RBM12B: variants seen among roughly 807,000 people sequenced by gnomAD.
The protein encoded by RBM12B is RNA binding motif protein 12B, also known as RNA-binding protein 12B.
Under a neutral mutation model 34.3 loss-of-function variants are expected in RBM12B, and 10 were observed. The ratio of observed to expected loss-of-function variants is 0.29; its 90% CI spans 0.18 to 0.49. RBM12B has a LOEUF of 0.49. Ranked by LOEUF, RBM12B falls within the 20% of genes least tolerant of loss-of-function variation. The pLI, the probability that RBM12B is intolerant of heterozygous loss-of-function variation, is 0.99. For missense variants in RBM12B, 1,139 were observed against 1,262.7 expected (o/e 0.90, Z 1.48); for synonymous variants, 477 against 437.1 (o/e 1.09, Z -1.14).
At chr8:93,740,839 G>A (rs1372070140) in intron 1 of RBM12B, 42 bp downstream of exon 1, 1 of 333,128 alleles carries the variant, frequency 3.0e-6, no homozygotes, top group African/African-American at 2.2e-5. Context: ...CACCCCCGGC[G>A]CCCCGAGGGG....
chr8:93,730,557 A>G lies in RBM12B; in HGVS notation c.*2848T>C, dbSNP rs751027276. On this transcript the variant is annotated 3_prime_UTR_variant, in exon 4 of 4. Transcript: ENST00000520560. ...CTGAAGCTGAGTGATGTGTACATGA[A>G]AATTTACTATTCTTTTTTTATATTT... is the stretch of plus-strand genomic sequence containing the variant. The G allele has an allele frequency of 1.3e-5, 2 of 152,166 alleles. No homozygotes were observed. Among genetic ancestry groups the G allele is most frequent in the Non-Finnish European group, 1.5e-5 (1 of 68,036 alleles). The allele number at this position is 152,166 out of a possible 1,614,324, so 9.4% of individuals were successfully genotyped here.
intron 2 of RBM12B, among the ~76,000 whole-genome samples, chr8:93,738,066 C>T (rs1812075455): frequency 6.6e-6 from 1 of 152,132 alleles, no homozygotes; most frequent in Non-Finnish European, 1.5e-5. Flanking sequence ...TCTATATAAA[C>T]AGCTCATACA....
Position 93,740,616 on chromosome 8 carries a change from GAAAA to G in RBM12B, c.-78+9_-78+12del. Reference sequence around the variant, plus strand: ...CCACTGACTACGATGACATAGCAAAGAAAAAAATATACCTATGAAATCCTTCGAG... The same window carrying G: ...CCACTGACTACGATGACATAGCAAAGAAATATACCTATGAAATCCTTCGAG... On this transcript the variant is annotated intron_variant, in intron 2 of 3. Transcript: ENST00000520560. The G allele has an allele frequency of 4.8e-6, 2 of 415,706 alleles. No individual in the cohort carries two copies. The highest frequency in any genetic ancestry group is 9.6e-6 in the Non-Finnish European group (2 of 209,344). 25.8% of individuals were successfully genotyped at this position (415,706 alleles called of 1,614,324 possible).
At position 93,736,031 on chromosome 8, in the gene RBM12B, T is replaced by C. The variant is rs1269490039; in HGVS notation, c.380A>G (p.Asn127Ser). The C allele has an allele frequency of 6.2e-7, 1 of 1,614,102 alleles. No individual in the cohort carries two copies. The highest frequency in any genetic ancestry group is 2.2e-5 in the East Asian group (1 of 44,896). The change falls in exon 4 of 4, where the codon AAT (asparagine) becomes AGT (serine). Residue 127 changes from asparagine to serine, a missense_variant. This residue lies in a region of RBM12B where 216 missense variants were observed against 292.2 expected (regional missense o/e 0.74). Transcript: ENST00000520560. Reference sequence around the variant, plus strand: ...ATTAGTATGAAACCCAGCATCTTGATTAATTGAAGAGCCATATCCAGAATT... The same window carrying C: ...ATTAGTATGAAACCCAGCATCTTGACTAATTGAAGAGCCATATCCAGAATT... ...ASNSGYGSSI[N>S]QDAGFHTNGT...
Position 93,733,872 on chromosome 8 carries a change from G to C in RBM12B, c.2539C>G (p.Pro847Ala). ...CPSDEDFRQL[P>A]EEDLREAPEE... ...GGAGCTTCCCTAAGGTCTTCCTCTGGGAGCTGCCTGAAGTCCTCATCAGAA... is the reference window on the plus strand; with the variant it reads ...GGAGCTTCCCTAAGGTCTTCCTCTGCGAGCTGCCTGAAGTCCTCATCAGAA... Residue 847 changes from proline to alanine, a missense_variant, in exon 4 of 4, where the codon CCA becomes GCA. Coordinates refer to ENST00000520560, the MANE Select transcript of RBM12B (RefSeq NM_001377960.1). The C allele has an allele frequency of 1.2e-6, 2 of 1,613,930 alleles. No individual in the cohort carries two copies. Among genetic ancestry groups the C allele is most frequent in the Non-Finnish European group, 1.7e-6 (2 of 1,179,964 alleles).
chr8:93,731,659 C>T lies in RBM12B; in HGVS notation c.*1746G>A, dbSNP rs1464449587. On this transcript the variant is annotated 3_prime_UTR_variant, in exon 4 of 4. Coordinates refer to ENST00000520560, the MANE Select transcript of RBM12B (RefSeq NM_001377960.1). ...AACTAAGTACTGACAAAGTATTCTA[C>T]CTATGCAATATCCTATTAAATGTCT... The T allele has an allele frequency of 3.9e-5, 6 of 152,082 alleles. No individual in the cohort carries two copies. The highest frequency in any genetic ancestry group is 1.3e-4 in the Admixed American group (2 of 15,260). 9.4% of individuals were successfully genotyped at this position (152,082 alleles called of 1,614,324 possible).
rs1295518199 is a variant in RBM12B, at chr8:93,738,084, A to C, written c.-77-729T>G. ...ATATAAACAGCTCATACATCCAAGC[A>C]CAGAACCAAATTTCATGAAGCCAGT... On this transcript the variant is annotated intron_variant, in intron 2 of 3. Transcript: ENST00000520560. Among the ~76,000 whole-genome samples the C allele has an allele frequency of 4.6e-5, 7 of 152,220 alleles. No homozygotes were observed. In the East Asian group the frequency reaches 1.3e-3, roughly 29 times the overall value.
rs1371271399 is a variant in RBM12B, at chr8:93,735,208, GCA to G, written c.1201_1202del (p.Cys401HisfsTer9). On this transcript the variant is annotated frameshift_variant, in exon 4 of 4. Coordinates refer to ENST00000520560, the MANE Select transcript of RBM12B (RefSeq NM_001377960.1). LOFTEE classifies it low-confidence loss of function (END_TRUNC). ...SQEGNSGQKLCIYIRNFPFDV... is the reference protein window; with the variant it reads ...SQEGNSGQKLXIYIRNFPFDV... ...CAAATGGAAAATTTCTTATATAGAT[GCA>G]CAGTTTCTGGCCAGAGTTACCTTCT... 1.2e-6 allele frequency: 2 copies of G among 1,614,052 alleles called. No homozygotes were observed. Among genetic ancestry groups the G allele is most frequent in the Non-Finnish European group, 8.5e-7 (1 of 1,180,032 alleles).
intron 2 of RBM12B, among the ~76,000 whole-genome samples, chr8:93,738,756 G>A (rs543688894): frequency 1.3e-5 from 2 of 152,140 alleles, no homozygotes; most frequent in Non-Finnish European, 2.9e-5. Flanking sequence ...GAGCCACTGC[G>A]CCTGGAGTAA....
intron 2 of RBM12B, among the ~76,000 whole-genome samples, chr8:93,738,643 TG>T (rs2130474164): frequency 6.6e-6 from 1 of 152,256 alleles, no homozygotes; most frequent in South Asian, 2.1e-4. Context: ...TTGTATTTTT[TG>T]TAGAGCCAGG....
Position 93,735,940 on chromosome 8 carries a change from C to T in RBM12B, c.471G>A (p.Leu157=). 6.2e-7 allele frequency: 1 copy of T among 1,614,210 alleles called. No homozygotes were observed. The highest frequency in any genetic ancestry group is 8.5e-7 in the Non-Finnish European group (1 of 1,180,044). ...CTAGGTAAGGCAAACCTCGTAGAAA[C>T]AAGTAAGGATTCTCGGCCTTCAATG... ...TRPLKAENPY[L]FLRGLPYLVN... Residue 157 remains leucine, a synonymous_variant, in exon 4 of 4, where the codon TTG becomes TTA. Coordinates refer to ENST00000520560, the MANE Select transcript of RBM12B (RefSeq NM_001377960.1).
chr8:93,737,368 A>G lies in RBM12B; in HGVS notation c.-77-13T>C, dbSNP rs1250738203. 1 of 152,216 alleles carries G rather than the reference A, an allele frequency of 6.6e-6. No homozygotes were observed. Among genetic ancestry groups the G allele is most frequent in the Non-Finnish European group, 1.5e-5 (1 of 68,046 alleles). The allele number at this position is 152,216 out of a possible 1,614,324, so 9.4% of individuals were successfully genotyped here. On this transcript the variant is annotated splice_polypyrimidine_tract_variant and intron_variant, in intron 2 of 3. Coordinates refer to ENST00000520560, the MANE Select transcript of RBM12B (RefSeq NM_001377960.1). ...AAAAGCAACTTAACTGTGGAAAGAA[A>G]ATGAAATATAATTAATCCTTGAACC... is the stretch of plus-strand genomic sequence containing the variant.
At position 93,740,668 on chromosome 8, in the gene RBM12B, G is replaced by A; in HGVS notation, c.-117C>T. The A allele has an allele frequency of 2.7e-6, 1 of 376,026 alleles. No individual in the cohort carries two copies. The highest frequency in any genetic ancestry group is 2.0e-5 in the South Asian group (1 of 49,882). The allele number at this position is 376,026 out of a possible 1,614,324, so 23.3% of individuals were successfully genotyped here. On this transcript the variant is annotated 5_prime_UTR_variant, in exon 2 of 4. Transcript: ENST00000520560. ...GAGATCTTCACTCTCAAGATCCCTG[G>A]GAAGCGCACATACACCACCACATGG... is the stretch of plus-strand genomic sequence containing the variant.
In RBM12B at chr8:93,731,337, A is replaced by G. The variant is rs1811784294; in HGVS notation, c.*2068T>C. On this transcript the variant is annotated 3_prime_UTR_variant, in exon 4 of 4. Coordinates refer to ENST00000520560, the MANE Select transcript of RBM12B (RefSeq NM_001377960.1). ...AGCATTTTTTAACTTTCCATATATT[A>G]TTCAAAATGGGTGACCAAATGAACC... The G allele has an allele frequency of 6.6e-6, 1 of 152,264 alleles. No homozygotes were observed. The highest frequency in any genetic ancestry group is 2.4e-5 in the African/African-American group (1 of 41,544). 9.4% of individuals were successfully genotyped at this position (152,264 alleles called of 1,614,324 possible).
In RBM12B at chr8:93,735,608, G is replaced by C. The variant is rs781223536; in HGVS notation, c.803C>G (p.Ser268Cys). The change falls in exon 4 of 4, where the codon TCT (serine) becomes TGT (cysteine). Residue 268 changes from serine to cysteine, a missense_variant. Transcript: ENST00000520560. ...TGTTCTTCTGGGAGATTTTGAATGA[G>C]ACCGTTTTCGAAAATGTCTATCATT... is the stretch of plus-strand genomic sequence containing the variant. Reference protein sequence around the residue: ...GINDRHFRKRSHSKSPRRTRS... With the variant: ...GINDRHFRKRCHSKSPRRTRS... The C allele has an allele frequency of 1.4e-5, 22 of 1,613,972 alleles. No homozygotes were observed. The highest frequency in any genetic ancestry group is 1.7e-5 in the Non-Finnish European group (20 of 1,180,000).
chr8:93,734,121 T>G lies in RBM12B; in HGVS notation c.2290A>C (p.Arg764=), dbSNP rs548459512. 4.1e-5 allele frequency: 64 copies of G among 1,556,536 alleles called. 2 individuals are homozygous for G. Among genetic ancestry groups the G allele is most frequent in the South Asian group, 3.3e-4 (27 of 82,762 alleles). ...CTGAAATGCTCTGGGGGTGGCCGCC[T>G]GAAGTGCTCTGGGGGTGGCCGCCGG... ...HFRRPPPEHF[R]RPPPEHFRRP... The change falls in exon 4 of 4, where the codon AGG becomes CGG. Residue 764 remains arginine, a synonymous_variant. Transcript: ENST00000520560.
intron 2 of RBM12B, chr8:93,739,987 C>A (rs1812144521): frequency 3.3e-6 from 1 of 300,332 alleles, no homozygotes; most frequent in Admixed American, 4.8e-5. Context: ...TGATTTTTAA[C>A]TAGCGAAGAA....
At position 93,734,727 on chromosome 8, in the gene RBM12B, A is replaced by G. The variant is rs762518980; in HGVS notation, c.1684T>C (p.Ser562Pro). 1.2e-6 allele frequency: 2 copies of G among 1,613,724 alleles called. No individual in the cohort carries two copies. The highest frequency in any genetic ancestry group is 2.7e-5 in the African/African-American group (2 of 74,878). Residue 562 changes from serine to proline, a missense_variant, in exon 4 of 4, where the codon TCA becomes CCA. Ser to Pro is a moderately conservative substitution (Grantham distance 74, BLOSUM62 -1). Around this residue, in one of 3 missense-constraint regions of RBM12B, gnomAD observed 863 missense variants for 869.5 expected, o/e 0.99. Coordinates refer to ENST00000520560, the MANE Select transcript of RBM12B (RefSeq NM_001377960.1). ...TCCGGGGGGAACCTAAAGTCCTCTG[A>G]GGAGTGTCGGAAGTCTTCTGGAGGG... ...RHPPEDFRHS[S>P]EDFRFPPEDF...
chr8:93,729,271 CT>C lies in RBM12B; in HGVS notation c.*4133del, dbSNP rs1811691317. 1 of 152,076 alleles carries C rather than the reference CT, an allele frequency of 6.6e-6. No homozygotes were observed. Among genetic ancestry groups the C allele is most frequent in the East Asian group, 1.9e-4 (1 of 5,192 alleles). 9.4% of individuals were successfully genotyped at this position (152,076 alleles called of 1,614,324 possible). On this transcript the variant is annotated 3_prime_UTR_variant, in exon 4 of 4. Transcript: ENST00000520560. ...GCTTCTGACTTTGTCAATCATGGCT[CT>C]GTTCTTAACAAAGCACTCCTTCCTG...
Sources: gnomAD v4.1 joint callset for allele counts (sites outside exome capture counted in the v4.1 genomes callset) on GRCh38, gnomAD v4.1.1 for gene constraint, gnomAD v4.1.1 regional missense constraint, MANE v1.5 for transcripts, NCBI Gene and HGNC (gene_info 2026-07-23, HGNC 2026-07-21) for gene names.